CSMD1: variants seen among roughly 807,000 people sequenced by gnomAD.
The protein encoded by CSMD1 is CUB and sushi domain-containing protein 1.
Under a neutral mutation model 417.5 loss-of-function variants are expected in CSMD1, and 213 were observed. The observed-to-expected ratio is 0.51, with a 90% confidence interval of 0.46 to 0.57. CSMD1 has a LOEUF of 0.57. Ranked by LOEUF, CSMD1 falls within the 20% of genes least tolerant of loss-of-function variation. The probability of loss-of-function intolerance (pLI) is 0.00; values close to 1 mark genes in which losing one functional copy is unlikely to be tolerated. For missense variants in CSMD1, 6,923 were observed against 4,529.7 expected, an observed-to-expected ratio of 1.53 and a Z score of -15.17; for synonymous variants, 2,862 against 1,736.8, an observed-to-expected ratio of 1.65 and a Z score of -16.11.
chr8:4,207,813 G>A (rs1027464335), intron 3 of CSMD1, among the ~76,000 whole-genome samples: 5 of 152,122 alleles, frequency 3.3e-5, no homozygotes, highest in African/African-American at 7.2e-5. Context: ...CAATAATTAT[G>A]TTGAAACAGA....
intron 5 of CSMD1, among the ~76,000 whole-genome samples, chr8:3,759,794 G>C (rs1178699038): frequency 1.3e-5 from 2 of 150,208 alleles, no homozygotes; most frequent in Non-Finnish European, 3.0e-5. Context: ...TGTAATCGCA[G>C]CTACTCGGGA....
chr8:4,597,844 A>T (rs560274690), intron 2 of CSMD1, among the ~76,000 whole-genome samples: 23 of 152,244 alleles, frequency 1.5e-4, no homozygotes, highest in Admixed American at 1.3e-3. Flanking sequence ...CCCCAAACTC[A>T]CAGAAGCTTC....
chr8:4,776,306 G>C (rs535817135), intron 1 of CSMD1, among the ~76,000 whole-genome samples: 16 of 152,084 alleles, frequency 1.1e-4, no homozygotes, highest in Non-Finnish European at 1.8e-4. Context: ...AATATTACTT[G>C]TTGCTAGTTT....
Position 3,367,189 on chromosome 8 carries a change from G to T in CSMD1, c.2958C>A (p.Ile986=). The change falls in exon 20 of 70, where the codon ATC becomes ATA. Residue 986 remains isoleucine, a synonymous_variant. Transcript: ENST00000635120. ...HLESSHDYLL[I]TEDGSFSEPV... ...GCTCGGAAAAACTTCCATCCTCTGT[G>T]ATCAGTAAATAGTCGTGGGAACTCT... 1 of 1,613,628 alleles carries T rather than the reference G, an allele frequency of 6.2e-7. No individual in the cohort carries two copies. Among genetic ancestry groups the T allele is most frequent in the Admixed American group, 1.7e-5 (1 of 59,974 alleles).
At chr8:3,056,570 A>G (rs542163086) in intron 49 of CSMD1, among the ~76,000 whole-genome samples, 2 of 151,912 alleles carry the variant, frequency 1.3e-5, no homozygotes, top group African/African-American at 4.8e-5. Flanking sequence ...GAGTCCCACT[A>G]TGTTACCCAG....
chr8:4,147,077 G>A (rs909379387), intron 3 of CSMD1, among the ~76,000 whole-genome samples: 1 of 151,810 alleles, frequency 6.6e-6, no homozygotes, highest in South Asian at 2.1e-4. Context: ...AACTCCAGCT[G>A]TCCTCACTCC....
intron 3 of CSMD1, among the ~76,000 whole-genome samples, chr8:4,305,088 G>C (rs886804633): frequency 2.0e-5 from 3 of 152,138 alleles, no homozygotes; most frequent in African/African-American, 7.2e-5. Flanking sequence ...AATCACAACA[G>C]GTTCCATGCC....
chr8:4,318,169 G>C (rs997871119), intron 3 of CSMD1, among the ~76,000 whole-genome samples: 9 of 151,952 alleles, frequency 5.9e-5, no homozygotes, highest in African/African-American at 1.9e-4. Context: ...TTCTAATATT[G>C]TTACTATCCT....
intron 3 of CSMD1, among the ~76,000 whole-genome samples, chr8:4,361,347 G>A (rs1260101815): frequency 6.6e-6 from 1 of 152,024 alleles, no homozygotes; most frequent in African/African-American, 2.4e-5. Flanking sequence ...GATATCTGCA[G>A]TCATCTGTGA....
chr8:4,874,476 G>T (rs1240569748), intron 1 of CSMD1, among the ~76,000 whole-genome samples: 2 of 145,690 alleles, frequency 1.4e-5, no homozygotes, highest in African/African-American at 2.6e-5. Context: ...TGCAATCTCT[G>T]CCTCCCAGGT....
At chr8:3,387,774 G>C in intron 17 of CSMD1, 92 bp from the exon 18 acceptor site, 2 of 1,005,976 alleles carry the variant, frequency 2.0e-6, no homozygotes, top group East Asian at 2.6e-5. Context: ...AATAGTCTCA[G>C]AAATAATAAG....
chr8:4,144,358 T>G (rs1019625772), intron 3 of CSMD1, among the ~76,000 whole-genome samples: 2 of 151,152 alleles, frequency 1.3e-5, no homozygotes, highest in African/African-American at 4.9e-5. Flanking sequence ...TTCTGTAATT[T>G]TCTGATAAGG....
At chr8:4,254,815 G>A (rs1396243643) in intron 3 of CSMD1, among the ~76,000 whole-genome samples, 2 of 152,126 alleles carry the variant, frequency 1.3e-5, no homozygotes, top group African/African-American at 2.4e-5. Flanking sequence ...GCACCCCAGA[G>A]CCTAGGTGTG....
intron 10 of CSMD1, among the ~76,000 whole-genome samples, chr8:3,500,053 G>C (rs760148771): frequency 1.3e-5 from 2 of 152,084 alleles, no homozygotes; most frequent in African/African-American, 4.8e-5. Context: ...AGTGTGACCT[G>C]CTGGGGATCT....
chr8:4,960,270 A>G (rs965919776), intron 1 of CSMD1, among the ~76,000 whole-genome samples: 1 of 152,228 alleles, frequency 6.6e-6, no homozygotes, highest in Non-Finnish European at 1.5e-5. Context: ...GATAAACTAT[A>G]CATAACATTT....
At chr8:4,362,146 G>A (rs533448456) in intron 3 of CSMD1, among the ~76,000 whole-genome samples, 1 of 152,150 alleles carries the variant, frequency 6.6e-6, no homozygotes, top group Non-Finnish European at 1.5e-5. Flanking sequence ...AATTATGACA[G>A]AGGGTAATTC....
At position 4,380,283 on chromosome 8, in the gene CSMD1, G is replaced by T. The variant is rs540582699; in HGVS notation, c.415+39670C>A. Among the ~76,000 whole-genome samples the T allele has an allele frequency of 6.6e-5, 10 of 152,178 alleles. No homozygotes were observed. The South Asian group carries it at 2.1e-3, about 32-fold the overall frequency. ...CAAACACCTCTGCCAGGTGACTAAG[G>T]TCAGCATCTGCAGTGCTGAGCCACA... On this transcript the variant is annotated intron_variant, in intron 3 of 69. Coordinates refer to ENST00000635120, the MANE Select transcript of CSMD1 (RefSeq NM_033225.6).
At chr8:4,463,284 G>A (rs1319705558) in intron 2 of CSMD1, among the ~76,000 whole-genome samples, 2 of 152,174 alleles carry the variant, frequency 1.3e-5, no homozygotes, top group African/African-American at 2.4e-5. Flanking sequence ...AAGACAGTTA[G>A]TAAGTGTTGG....
intron 1 of CSMD1, among the ~76,000 whole-genome samples, chr8:4,992,532 C>T (rs1275124264): frequency 6.6e-6 from 1 of 152,166 alleles, no homozygotes; most frequent in African/African-American, 2.4e-5. Context: ...TTCCTCTCCA[C>T]GCAGGGGCTC....
Sources: gnomAD v4.1 joint callset for allele counts (sites outside exome capture counted in the v4.1 genomes callset) on GRCh38, gnomAD v4.1.1 for gene constraint, MANE v1.5 for transcripts, NCBI Gene and HGNC (gene_info 2026-07-23, HGNC 2026-07-21) for gene names.